SLC2A14: variants seen among roughly 807,000 people sequenced by gnomAD.
The protein encoded by SLC2A14 is solute carrier family 2 member 14, also known as solute carrier family 2, facilitated glucose transporter member 14.
SLC2A14 carries 13 observed loss-of-function variants against 43.0 expected under a neutral mutation model. That is an observed-to-expected ratio of 0.30 (90% CI 0.20 to 0.48). The LOEUF (loss-of-function observed/expected upper bound fraction) is 0.48, where lower values mean the gene tolerates loss of function less well. Ranked by LOEUF, SLC2A14 falls within the 20% of genes least tolerant of loss-of-function variation. SLC2A14 has a pLI of 0.99. For synonymous variants in SLC2A14, 190 were observed against 233.8 expected (o/e 0.81, Z 1.71); for missense variants, 428 against 620.4 (o/e 0.69, Z 3.29).
intron 7 of SLC2A14, among the ~76,000 whole-genome samples, chr12:7,822,875 C>T (rs922714757): frequency 6.6e-6 from 1 of 152,222 alleles, no homozygotes; most frequent in African/African-American, 2.4e-5. Context: ...CTTCCCCAAA[C>T]CCTCAAAACA....
chr12:7,832,094 C>A (rs948861873), intron 3 of SLC2A14, among the ~76,000 whole-genome samples: 2 of 152,098 alleles, frequency 1.3e-5, no homozygotes, highest in African/African-American at 4.8e-5. Context: ...GGTGACAGAG[C>A]GAGACTACAT....
chr12:7,886,072 C>T (rs185798163), intron 1 of SLC2A14, among the ~76,000 whole-genome samples: 1 of 149,272 alleles, frequency 6.7e-6, no homozygotes, highest in Non-Finnish European at 1.5e-5. Flanking sequence ...GCAACACCCA[C>T]CTCCCAGGTT....
chr12:7,836,472 G>T (rs1865472081), intron 2 of SLC2A14, among the ~76,000 whole-genome samples: 1 of 152,016 alleles, frequency 6.6e-6, no homozygotes, highest in South Asian at 2.1e-4. Flanking sequence ...TGCCTGTCTC[G>T]GCCTCCCAAA....
rs1271113179 is a variant in SLC2A14, at chr12:7,831,648, CAT to C, written c.226_227del (p.Met76AspfsTer11). The C allele has an allele frequency of 6.2e-7, 1 of 1,614,112 alleles. No individual in the cohort carries two copies. The highest frequency in any genetic ancestry group is 8.5e-7 in the Non-Finnish European group (1 of 1,180,052). ...LSVAIFSVGG[M>X]IGSFSVGLFV... ...AGAGTCCGACGGAAAAGGAGCCGAT[CAT>C]ACCCCCGACGGAAAATATGGCCACA... On this transcript the variant is annotated frameshift_variant, in exon 4 of 11. Coordinates refer to ENST00000431042, the MANE Select transcript of SLC2A14 (RefSeq NM_001286234.2). LOFTEE classifies it high-confidence loss of function.
At chr12:7,878,987 A>AAC (rs1945514565) in intron 1 of SLC2A14, among the ~76,000 whole-genome samples, 2 of 91,168 alleles carry the variant, frequency 2.2e-5, no homozygotes, top group African/African-American at 8.4e-5. Flanking sequence ...AAAAAAAAAA[A>AAC]AAAAAAAAAA....
rs1346603676 is a variant in SLC2A14 at position 7,831,626 on chromosome 12, G to C, written c.250C>G (p.Leu84Val). The C allele has an allele frequency of 6.2e-7, 1 of 1,614,160 alleles. No individual in the cohort carries two copies. The highest frequency in any genetic ancestry group is 1.1e-5 in the South Asian group (1 of 91,078). The part of the protein sequence containing the change: ...GGMIGSFSVG[L>V]FVNRFGRRNS... Reference sequence around the variant, plus strand: ...TACCTGCCAAAGCGGTTAACAAAGAGTCCGACGGAAAAGGAGCCGATCATA... The same window carrying C: ...TACCTGCCAAAGCGGTTAACAAAGACTCCGACGGAAAAGGAGCCGATCATA... Residue 84 changes from leucine (L) to valine (V), a missense_variant, in exon 4 of 11, where the codon CTC becomes GTC. Coordinates refer to ENST00000431042, the MANE Select transcript of SLC2A14 (RefSeq NM_001286234.2).
At chr12:7,869,094 A>C (rs1205604434) in intron 2 of SLC2A14, among the ~76,000 whole-genome samples, 2 of 151,268 alleles carry the variant, frequency 1.3e-5, no homozygotes, top group Non-Finnish European at 1.5e-5. Flanking sequence ...CGGTGAGCCG[A>C]GATCACACCA....
chr12:7,851,977 C>A (rs1171182852), intron 2 of SLC2A14, among the ~76,000 whole-genome samples: 4 of 152,138 alleles, frequency 2.6e-5, no homozygotes. Context: ...GACTTCTGCC[C>A]CCATCTCTCT....
intron 7 of SLC2A14, among the ~76,000 whole-genome samples, chr12:7,823,803 C>T (rs960530888): frequency 6.6e-6 from 1 of 152,080 alleles, no homozygotes; most frequent in Admixed American, 6.6e-5. Context: ...CCCAGGTTCA[C>T]TTCAGTTTAT....
chr12:7,886,916 T>TC (rs1945697274), intron 1 of SLC2A14, among the ~76,000 whole-genome samples: 1 of 150,318 alleles, frequency 6.7e-6, no homozygotes, highest in Admixed American at 6.6e-5. Context: ...GATTTTCTTT[T>TC]TTTTTTTTTT....
At chr12:7,876,280 CAA>C (rs59935166), upstream of SLC2A14, among the ~76,000 whole-genome samples, 30,731 of 66,690 alleles carry the variant, frequency 0.46, 4,143 homozygotes, top group Middle Eastern at 0.61. Context: ...AACTCCATCT[CAA>C]AAAAAAAAAA....
intron 2 of SLC2A14, among the ~76,000 whole-genome samples, chr12:7,833,389 T>A (rs1298898477): frequency 6.6e-6 from 1 of 152,136 alleles, no homozygotes; most frequent in Non-Finnish European, 1.5e-5. Flanking sequence ...AGTCTTCTGG[T>A]TTATTAAATA....
intron 1 of SLC2A14, among the ~76,000 whole-genome samples, chr12:7,885,144 T>C (rs1308076893): frequency 1.3e-5 from 2 of 152,026 alleles, no homozygotes; most frequent in African/African-American, 4.8e-5. Context: ...AGTCAGAAAT[T>C]TTTTTTTCCA....
intron 1 of SLC2A14, chr12:7,872,451 G>C (rs1945286547): frequency 6.6e-6 from 1 of 152,126 alleles, no homozygotes; most frequent in Admixed American, 6.6e-5. Flanking sequence ...CACTCCCCTA[G>C]CCCTACTACA....
chr12:7,885,180 A>T (rs944568703), intron 1 of SLC2A14, among the ~76,000 whole-genome samples: 1 of 152,180 alleles, frequency 6.6e-6, no homozygotes, highest in African/African-American at 2.4e-5. Flanking sequence ...AAAAATAATA[A>T]CTAAAAAGAG....
At chr12:7,824,050 G>A (rs1441718565) in intron 7 of SLC2A14, among the ~76,000 whole-genome samples, 2 of 152,150 alleles carry the variant, frequency 1.3e-5, no homozygotes, top group Non-Finnish European at 2.9e-5. Context: ...GAGGTCAGGA[G>A]TTCAAGGCCA....
At chr12:7,839,924 CAAAAAAAAAAAAAAAAAAA>C in intron 2 of SLC2A14, 1 of 165,060 alleles carries the variant, frequency 6.1e-6, no homozygotes, top group Admixed American at 9.8e-5. Flanking sequence ...CCTGTCTCTA[CAAAAAAAAAAAAAAAAAAA>C]AAAAAAAAAA....
intron 7 of SLC2A14, among the ~76,000 whole-genome samples, chr12:7,821,699 C>A (rs1863921950): frequency 6.6e-6 from 1 of 152,112 alleles, no homozygotes; most frequent in Admixed American, 6.6e-5. Flanking sequence ...CCTGAATTAT[C>A]TTCTGAATCT....
chr12:7,820,466 G>C, intron 8 of SLC2A14, among the ~76,000 whole-genome samples: 1 of 152,096 alleles, frequency 6.6e-6, no homozygotes, highest in East Asian at 1.9e-4. Flanking sequence ...CCACCAACCT[G>C]TGAGCTCTGA....
Sources: allele counts gnomAD v4.1 joint callset (sites outside exome capture counted in the v4.1 genomes callset), GRCh38; gene constraint gnomAD v4.1.1; transcripts MANE v1.5; gene names NCBI Gene and HGNC (gene_info 2026-07-23, HGNC 2026-07-21).